The following DOCK9 variants were observed in gnomAD, a reference collection of about 807,000 sequenced individuals.
DOCK9 encodes dedicator of cytokinesis protein 9.
Under a neutral mutation model 263.3 loss-of-function variants are expected in DOCK9, and 89 were observed. The ratio of observed to expected loss-of-function variants is 0.34; its 90% CI spans 0.28 to 0.40. The LOEUF is 0.40. DOCK9 is among the 10% of genes least tolerant of loss of function. The probability of loss-of-function intolerance (pLI) is 1.00; values close to 1 mark genes in which losing one functional copy is unlikely to be tolerated. For synonymous variants in DOCK9, 976 were observed against 973.1 expected (o/e 1.00, Z -0.06); for missense variants, 2,140 against 2,603.4 (o/e 0.82, Z 3.87).
chr13:99,046,219 C>A (rs566095042), intron 1 of DOCK9, among the ~76,000 whole-genome samples: 1 of 152,184 alleles, frequency 6.6e-6, no homozygotes, highest in Non-Finnish European at 1.5e-5. Flanking sequence ...AGGCTCAGCA[C>A]GGGGCAGAAC....
Position 98,800,498 on chromosome 13 carries a change from G to C in DOCK9, c.5726-20C>G. The C allele has an allele frequency of 6.2e-7, 1 of 1,607,318 alleles. No homozygotes were observed. Among genetic ancestry groups the C allele is most frequent in the East Asian group, 2.2e-5 (1 of 44,700 alleles). ...GTATGGCTGCAGAGGGTAAGCCCCA[G>C]AATTACTGCATGGCTTGCACGAGCT... is the stretch of plus-strand genomic sequence containing the variant. On this transcript the variant is annotated intron_variant, in intron 49 of 52. Transcript: ENST00000682017.
chr13:99,046,111 A>C (rs921421543), intron 1 of DOCK9, among the ~76,000 whole-genome samples: 1 of 151,922 alleles, frequency 6.6e-6, no homozygotes, highest in Non-Finnish European at 1.5e-5. Flanking sequence ...AAAAAAAAAA[A>C]AAAACCAGCA....
intron 2 of DOCK9, 105 bp downstream of exon 2, chr13:98,955,329 AT>A: frequency 6.0e-5 from 45 of 750,474 alleles, no homozygotes; most frequent in African/African-American, 1.4e-4. Flanking sequence ...AAAAAAAATA[AT>A]AATAATAATA....
At chr13:99,060,015 T>C (rs1021125962) in intron 1 of DOCK9, among the ~76,000 whole-genome samples, 1 of 151,702 alleles carries the variant, frequency 6.6e-6, no homozygotes, top group Non-Finnish European at 1.5e-5. Context: ...TAATATTCTA[T>C]TGGGTGGATA....
intron 1 of DOCK9, among the ~76,000 whole-genome samples, chr13:99,067,487 A>C (rs1298068795): frequency 2.6e-5 from 4 of 152,228 alleles, no homozygotes; most frequent in Admixed American, 2.0e-4. Context: ...GCAGCAGAGA[A>C]GACTGGATTC....
chr13:98,812,516 G>T (rs1450811618), intron 45 of DOCK9, among the ~76,000 whole-genome samples: 1 of 152,290 alleles, frequency 6.6e-6, no homozygotes, highest in Non-Finnish European at 1.5e-5. Flanking sequence ...CTAGTAAACA[G>T]AATGGACCTA....
At chr13:98,913,657 GAGA>G (rs1279470443) in intron 9 of DOCK9, among the ~76,000 whole-genome samples, 2 of 152,124 alleles carry the variant, frequency 1.3e-5, no homozygotes, top group Non-Finnish European at 2.9e-5. Flanking sequence ...GGGGTTGTGG[GAGA>G]AGAAGAGAAT....
At chr13:98,915,217 G>A (rs1370232798) in intron 8 of DOCK9, 112 bp downstream of exon 8, 8 of 1,016,382 alleles carry the variant, frequency 7.9e-6, no homozygotes, top group Middle Eastern at 2.2e-4. Context: ...GCTCCTATCC[G>A]TCCCACCTCT....
intron 1 of DOCK9, among the ~76,000 whole-genome samples, chr13:99,012,998 A>G (rs1195556842): frequency 6.6e-6 from 1 of 152,228 alleles, no homozygotes; most frequent in Admixed American, 6.5e-5. Context: ...CCATTTCATC[A>G]GCATTCCCTC....
chr13:98,950,552 C>T (rs1317285502), intron 2 of DOCK9: 5 of 329,530 alleles, frequency 1.5e-5, no homozygotes, highest in Non-Finnish European at 2.2e-5. Flanking sequence ...ATCCTCCCAC[C>T]TTGGTCACCC....
At chr13:99,007,630 C>T (rs191628213) in intron 1 of DOCK9, among the ~76,000 whole-genome samples, 1 of 152,148 alleles carries the variant, frequency 6.6e-6, no homozygotes, top group African/African-American at 2.4e-5. Flanking sequence ...TTCCAGCCCC[C>T]ACAATGGAAC....
Position 98,888,380 on chromosome 13 carries a change from T to C in DOCK9, c.1957A>G (p.Ser653Gly). 6.2e-7 allele frequency: 1 copy of C among 1,613,268 alleles called. No homozygotes were observed. The highest frequency in any genetic ancestry group is 8.5e-7 in the Non-Finnish European group (1 of 1,179,412). The stretch of plus-strand genomic sequence containing the variant: ...CTCACCTTGGCAAAAGACTTCTGAC[T>C]GTCGTATTTCAAGTACTTAGGATAA... The part of the protein sequence containing the change: ...YVYPKYLKYD[S>G]QKSFAKARNI... The change falls in exon 17 of 53, where the codon AGT becomes GGT. Residue 653 changes from serine (S) to glycine (G), a missense_variant. Physicochemically the swap from Ser to Gly is moderately conservative, Grantham distance 56 (BLOSUM62 0). Transcript: ENST00000682017.
At chr13:98,939,483 T>A (rs2055456567) in intron 2 of DOCK9, among the ~76,000 whole-genome samples, 1 of 152,194 alleles carries the variant, frequency 6.6e-6, no homozygotes, top group African/African-American at 2.4e-5. Context: ...CTTGTTTTCA[T>A]TTACTTAGAA....
chr13:98,901,316 C>T (rs1196078711), intron 13 of DOCK9, among the ~76,000 whole-genome samples: 1 of 152,202 alleles, frequency 6.6e-6, no homozygotes, highest in Non-Finnish European at 1.5e-5. Context: ...TAAAACTCTG[C>T]CCCTTCTAGC....
chr13:98,941,407 C>G (rs780239824), intron 2 of DOCK9, among the ~76,000 whole-genome samples: 8 of 152,164 alleles, frequency 5.3e-5, no homozygotes, highest in Non-Finnish European at 8.8e-5. Context: ...CCTGAAAAGT[C>G]AGATTTCAGT....
intron 44 of DOCK9, among the ~76,000 whole-genome samples, chr13:98,826,463 T>C (rs2092542771): frequency 6.6e-6 from 1 of 152,246 alleles, no homozygotes; most frequent in South Asian, 2.1e-4. Flanking sequence ...AGAAATGCTG[T>C]CTGATAATCT....
intron 36 of DOCK9, 67 bp from the exon 37 acceptor site, chr13:98,848,706 C>A (rs1594645782): frequency 2.1e-6 from 3 of 1,442,482 alleles, no homozygotes; most frequent in East Asian, 2.4e-5. Context: ...CGTTATTTAT[C>A]TGTTAACAAT....
Position 98,809,387 on chromosome 13 carries a change from G to A in DOCK9, c.5332C>T (p.Leu1778=), listed in dbSNP as rs748810046. The A allele has an allele frequency of 3.1e-6, 5 of 1,613,698 alleles. No individual in the cohort carries two copies. In the African/African-American group the frequency reaches 6.7e-5, roughly 22 times the overall value. Residue 1778 remains leucine (L), a synonymous_variant, in exon 47 of 53, where the codon CTG becomes TTG. Transcript: ENST00000682017. The stretch of plus-strand genomic sequence containing the variant: ...AAGGCTACCCGGAAGTAGGTCCCCA[G>A]AAGCCTGCGGCCCGAGTGCATGACC... The part of the protein sequence containing the change: ...TEVMHSGRRL[L]GTYFRVAFFG...
At chr13:98,930,306 G>A (rs749881214) in intron 2 of DOCK9, 49 bp from the exon 3 acceptor site, 4 of 1,516,066 alleles carry the variant, frequency 2.6e-6, no homozygotes, top group East Asian at 4.7e-5. Flanking sequence ...AAGGAGGCAG[G>A]TGCCAGCCTC....
Sources: gnomAD v4.1 joint callset for allele counts (sites outside exome capture counted in the v4.1 genomes callset) on GRCh38, gnomAD v4.1.1 for gene constraint, MANE v1.5 for transcripts, NCBI Gene and HGNC (gene_info 2026-07-23, HGNC 2026-07-21) for gene names.